Variants in CLASP1 observed in about 807,000 individuals in gnomAD.
CLASP1 encodes the protein CLIP-associating protein 1.
A neutral mutation model predicts 192.3 loss-of-function variants in CLASP1; 38 were observed. The observed-to-expected ratio is 0.20, with a 90% CI of 0.15 to 0.26. The LOEUF is 0.26. Ranked by LOEUF, CLASP1 falls within the 10% of genes least tolerant of loss-of-function variation. The pLI is 1.00. For missense variants in CLASP1, 1,433 were observed against 1,932.5 expected (o/e 0.74, Z 4.85); for synonymous variants, 691 against 712.8 (o/e 0.97, Z 0.49).
At chr2:121,538,709 C>T (rs2095157238) in intron 2 of CLASP1, among the ~76,000 whole-genome samples, 1 of 151,330 alleles carries the variant, frequency 6.6e-6, no homozygotes, top group Non-Finnish European at 1.5e-5. Flanking sequence ...TGCTTGAACC[C>T]AGGAAGCAGA....
intron 2 of CLASP1, chr2:121,531,156 C>A (rs117395952): frequency 1.6e-5 from 10 of 611,644 alleles, no homozygotes; most frequent in South Asian, 3.7e-5. Flanking sequence ...GGTGATTAAA[C>A]GGGAAGGATT....
chr2:121,495,080 T>G (rs2093472437), intron 8 of CLASP1, among the ~76,000 whole-genome samples: 1 of 151,436 alleles, frequency 6.6e-6, no homozygotes, highest in African/African-American at 2.4e-5. Context: ...CCCAACACTT[T>G]GGGAGGCCGA....
At chr2:121,439,855 A>G (rs529459440) in intron 19 of CLASP1, among the ~76,000 whole-genome samples, 6 of 146,632 alleles carry the variant, frequency 4.1e-5, no homozygotes, top group African/African-American at 1.5e-4. Context: ...AACACTGCAT[A>G]TTCTCACTCC....
At chr2:121,500,367 AG>A (rs2150227249) in intron 8 of CLASP1, among the ~76,000 whole-genome samples, 2 of 144,636 alleles carry the variant, frequency 1.4e-5, no homozygotes, top group Admixed American at 1.3e-4. Flanking sequence ...AAAGAAAGAA[AG>A]AAAGAAAGAA....
At chr2:121,530,253 C>G (rs1224458197) in exon 3 of CLASP1, 1 of 1,551,568 alleles carries the variant, frequency 6.4e-7, no homozygotes. Context: ...TCACCTGTGC[C>G]GATCTGCGCC....
chr2:121,406,974 T>C (rs1166757495), intron 25 of CLASP1, among the ~76,000 whole-genome samples: 1 of 152,110 alleles, frequency 6.6e-6, no homozygotes, highest in African/African-American at 2.4e-5. Flanking sequence ...GCCCAGCACT[T>C]TGGGGGGCAA....
chr2:121,604,380 T>C (rs958339705), intron 2 of CLASP1, among the ~76,000 whole-genome samples: 9 of 152,180 alleles, frequency 5.9e-5, no homozygotes, highest in South Asian at 4.1e-4. Context: ...TAAAGACAGG[T>C]AGGATAGGCT....
At chr2:121,514,005 C>A (rs899558072) in intron 7 of CLASP1, among the ~76,000 whole-genome samples, 7 of 152,236 alleles carry the variant, frequency 4.6e-5, no homozygotes, top group African/African-American at 1.7e-4. Context: ...GGTGGGGGCC[C>A]TCCCCAAATC....
chr2:121,390,337 C>T (rs1387120888), intron 30 of CLASP1, among the ~76,000 whole-genome samples: 1 of 152,186 alleles, frequency 6.6e-6, no homozygotes, highest in Non-Finnish European at 1.5e-5. Flanking sequence ...CATATGTGAA[C>T]TGTTATCTTC....
intron 30 of CLASP1, among the ~76,000 whole-genome samples, chr2:121,392,466 T>C (rs565297399): frequency 1.6e-4 from 25 of 152,340 alleles, no homozygotes; most frequent in African/African-American, 5.5e-4. Context: ...ATGCCTGAGA[T>C]AAGTGTTATT....
intron 2 of CLASP1, among the ~76,000 whole-genome samples, chr2:121,545,687 C>A (rs1327809205): frequency 6.6e-6 from 1 of 152,030 alleles, no homozygotes; most frequent in African/African-American, 2.4e-5. Context: ...CATTTCTGGC[C>A]AGAATATTTT....
intron 8 of CLASP1, among the ~76,000 whole-genome samples, chr2:121,499,711 C>A (rs1216974904): frequency 6.6e-6 from 1 of 151,994 alleles, no homozygotes; most frequent in Non-Finnish European, 1.5e-5. Flanking sequence ...ATTTGACTTT[C>A]TTTCTTTAAC....
chr2:121,470,924 A>G (rs550982569), intron 8 of CLASP1, among the ~76,000 whole-genome samples: 1 of 152,210 alleles, frequency 6.6e-6, no homozygotes, highest in African/African-American at 2.4e-5. Flanking sequence ...GTGAAGATGA[A>G]CATTTTTTTC....
At position 121,458,799 on chromosome 2, in the gene CLASP1, TA is replaced by T. The variant is rs770844431; in HGVS notation, c.1314+40del. 5 of 1,470,712 alleles carry T rather than the reference TA, an allele frequency of 3.4e-6. No homozygotes were observed. In the Admixed American group the frequency reaches 8.9e-5, roughly 26 times the overall value. 91.1% of individuals were successfully genotyped at this position (1,470,712 alleles called of 1,614,324 possible). On this transcript the variant is annotated intron_variant, in intron 13 of 39. Coordinates refer to ENST00000263710, the Ensembl canonical transcript of CLASP1. ...CTAATATTTATCAACCATCAGTATT[TA>T]CCACTTGCTTATTTCAAGCATGGCC...
intron 8 of CLASP1, among the ~76,000 whole-genome samples, chr2:121,478,916 A>C (rs1240291402): frequency 2.7e-4 from 9 of 33,730 alleles, no homozygotes; most frequent in African/African-American, 1.0e-3. Context: ...CACACACACC[A>C]CACACACACC....
intron 11 of CLASP1, 49 bp from the exon 12 acceptor site, chr2:121,460,174 G>A (rs761684912): frequency 6.9e-7 from 1 of 1,453,862 alleles, no homozygotes; most frequent in Non-Finnish European, 9.5e-7. Flanking sequence ...TTCTAACACA[G>A]ACTATACACA....
intron 8 of CLASP1, among the ~76,000 whole-genome samples, chr2:121,492,119 T>C (rs184771692): frequency 2.7e-4 from 41 of 152,208 alleles, no homozygotes; most frequent in Admixed American, 1.6e-3. Flanking sequence ...AGTGAAAAGA[T>C]TGGCTCACGC....
At chr2:121,466,962 C>T (rs1422394822) in intron 9 of CLASP1, among the ~76,000 whole-genome samples, 1 of 152,134 alleles carries the variant, frequency 6.6e-6, no homozygotes, top group Non-Finnish European at 1.5e-5. Context: ...GTGATGTGCT[C>T]CCTCCTCCCA....
intron 1 of CLASP1, among the ~76,000 whole-genome samples, chr2:121,638,385 A>G (rs1254154731): frequency 6.6e-6 from 1 of 152,182 alleles, no homozygotes; most frequent in Non-Finnish European, 1.5e-5. Context: ...AGAATGTAAA[A>G]TGGTACAGCC....
Sources: allele counts gnomAD v4.1 joint callset (sites outside exome capture counted in the v4.1 genomes callset), GRCh38; gene constraint gnomAD v4.1.1; transcripts MANE v1.5; gene names NCBI Gene and HGNC (gene_info 2026-07-23, HGNC 2026-07-21).